The following NKAIN2 variants were observed in gnomAD, a reference collection of about 807,000 sequenced individuals.
NKAIN2 encodes sodium/potassium-transporting ATPase subunit beta-1-interacting protein 2.
Under a neutral mutation model 32.6 loss-of-function variants are expected in NKAIN2, and 14 were observed. The ratio of observed to expected loss-of-function variants is 0.43; its 90% CI spans 0.28 to 0.67. The LOEUF is 0.67. Among genes scored for constraint, NKAIN2 ranks in the 30% least tolerant of loss-of-function variants. The probability of loss-of-function intolerance (pLI) is 0.17; values close to 1 mark genes in which losing one functional copy is unlikely to be tolerated. For synonymous variants in NKAIN2, 80 were observed against 87.2 expected, an observed-to-expected ratio of 0.92 and a Z score of 0.46; for missense variants, 198 against 258.3, an observed-to-expected ratio of 0.77 and a Z score of 1.60.
intron 4 of NKAIN2, among the ~76,000 whole-genome samples, chr6:124,785,490 A>G (rs1302135864): frequency 6.6e-6 from 1 of 152,140 alleles, no homozygotes; most frequent in East Asian, 1.9e-4. Flanking sequence ...TTGGGGTATT[A>G]TGCTATGAGA....
Position 124,659,701 on chromosome 6 carries a change from G to GTAAT in NKAIN2, c.474+1316_474+1319dup, listed in dbSNP as rs1228314171. ...TCATCATGGGTTACTGTGCCAGAAA[G>GTAAT]TAATAATAGCTGTGGAGGGTCTACA... On this transcript the variant is annotated intron_variant, in intron 4 of 6. Coordinates refer to ENST00000368417, the MANE Select transcript of NKAIN2 (RefSeq NM_001040214.3). Among the ~76,000 whole-genome samples the GTAAT allele has an allele frequency of 3.9e-5, 6 of 152,170 alleles. No individual in the cohort carries two copies. The East Asian group carries it at 1.2e-3, about 29-fold the overall frequency.
At chr6:124,231,452 C>T (rs569369804) in intron 1 of NKAIN2, among the ~76,000 whole-genome samples, 1 of 151,978 alleles carries the variant, frequency 6.6e-6, no homozygotes, top group African/African-American at 2.4e-5. Context: ...TTGGGAGGGA[C>T]CTGGGGTGGA....
intron 1 of NKAIN2, among the ~76,000 whole-genome samples, chr6:124,254,355 G>A (rs185165424): frequency 6.6e-6 from 1 of 152,238 alleles, no homozygotes; most frequent in East Asian, 1.9e-4. Context: ...CCCTATGAGA[G>A]CAACATCTGT....
At chr6:124,685,523 T>C (rs899187794) in intron 4 of NKAIN2, among the ~76,000 whole-genome samples, 3 of 152,190 alleles carry the variant, frequency 2.0e-5, no homozygotes, top group Admixed American at 2.0e-4. Context: ...CAATAAAGAA[T>C]TTTGGGATAT....
intron 3 of NKAIN2, among the ~76,000 whole-genome samples, chr6:124,467,444 A>G (rs1776805472): frequency 6.6e-6 from 1 of 152,104 alleles, no homozygotes; most frequent in African/African-American, 2.4e-5. Flanking sequence ...AGACTTCACT[A>G]CAGTTACATG....
chr6:124,573,922 A>G (rs1436913837), intron 3 of NKAIN2, among the ~76,000 whole-genome samples: 1 of 152,194 alleles, frequency 6.6e-6, no homozygotes, highest in Non-Finnish European at 1.5e-5. Context: ...AAAGAGGCTT[A>G]TTTGCTCTGC....
At chr6:124,130,156 G>C (rs1477808423) in intron 1 of NKAIN2, among the ~76,000 whole-genome samples, 2 of 152,052 alleles carry the variant, frequency 1.3e-5, no homozygotes, top group Admixed American at 6.5e-5. Flanking sequence ...TTTCCTAGAG[G>C]GAAACTGTGA....
At position 124,476,061 on chromosome 6, in the gene NKAIN2, AGAGAGT is replaced by A. The variant is rs750172113; in HGVS notation, c.273+120716_273+120721del. Reference sequence around the variant, plus strand: ...GAGTGTGTGTGTGAGAGAGAGAGAGAGAGAGTGTGTGTGTGTGTGTGTGTGTGTGTG... The same window carrying A: ...GAGTGTGTGTGTGAGAGAGAGAGAGAGTGTGTGTGTGTGTGTGTGTGTGTG... On this transcript the variant is annotated intron_variant, in intron 3 of 6. Coordinates refer to ENST00000368417, the MANE Select transcript of NKAIN2 (RefSeq NM_001040214.3). Among the ~76,000 whole-genome samples the A allele has an allele frequency of 3.6e-3, 306 of 85,696 alleles. 1 individual carries two copies. The highest frequency in any genetic ancestry group is 0.021 in the South Asian group (56 of 2,698). The allele number at this position is 85,696 out of a possible 152,430, so 56.2% of individuals were successfully genotyped here. A position where few individuals can be genotyped will look rare whatever the true frequency, so the allele number is the denominator to read the frequency against.
intron 1 of NKAIN2, among the ~76,000 whole-genome samples, chr6:123,953,160 T>A (rs1321943817): frequency 2.6e-5 from 4 of 152,174 alleles, no homozygotes; most frequent in African/African-American, 9.7e-5. Flanking sequence ...CAGTCCTGTC[T>A]GTGACTTCCT....
intron 1 of NKAIN2, among the ~76,000 whole-genome samples, chr6:124,034,795 T>C (rs528930175): frequency 4.9e-4 from 74 of 152,256 alleles, no homozygotes; most frequent in African/African-American, 1.7e-3. Flanking sequence ...ATGTTTTGAC[T>C]TTTTAATAAT....
At chr6:123,851,958 A>G (rs1240662108) in intron 1 of NKAIN2, among the ~76,000 whole-genome samples, 1 of 152,172 alleles carries the variant, frequency 6.6e-6, no homozygotes, top group Non-Finnish European at 1.5e-5. Context: ...TTTGAAATTC[A>G]CATAATCCAT....
intron 3 of NKAIN2, among the ~76,000 whole-genome samples, chr6:124,451,161 C>G (rs187109206): frequency 3.3e-5 from 5 of 152,176 alleles, no homozygotes; most frequent in Admixed American, 6.6e-5. Context: ...GAAAGAAAAG[C>G]CAAGTGCATT....
intron 3 of NKAIN2, among the ~76,000 whole-genome samples, chr6:124,510,870 T>A (rs1252548025): frequency 1.3e-5 from 2 of 152,204 alleles, no homozygotes; most frequent in Non-Finnish European, 2.9e-5. Flanking sequence ...CAAGGGAGAA[T>A]TCTAACTTCA....
intron 3 of NKAIN2, among the ~76,000 whole-genome samples, chr6:124,377,799 T>TTATATGAATATATAA (rs1800056601): frequency 6.6e-6 from 1 of 152,162 alleles, no homozygotes; most frequent in African/African-American, 2.4e-5. Context: ...AGAGTGACCC[T>TTATATGAATATATAA]CTTCATAATT....
chr6:123,932,740 G>C (rs956558163), intron 1 of NKAIN2, among the ~76,000 whole-genome samples: 1 of 149,186 alleles, frequency 6.7e-6, no homozygotes, highest in African/African-American at 2.5e-5. Flanking sequence ...AGCATTGTTA[G>C]CCAGTCATCG....
chr6:124,637,502 T>G (rs1327872471), intron 3 of NKAIN2, among the ~76,000 whole-genome samples: 1 of 152,086 alleles, frequency 6.6e-6, no homozygotes, highest in Admixed American at 6.6e-5. Context: ...AATAAATTTT[T>G]GCATTATTTT....
At chr6:124,561,099 C>T (rs550718450) in intron 3 of NKAIN2, among the ~76,000 whole-genome samples, 4 of 152,018 alleles carry the variant, frequency 2.6e-5, no homozygotes, top group African/African-American at 9.6e-5. Flanking sequence ...TGTTTCAGGG[C>T]ACAGAGCAAC....
At chr6:123,885,276 A>T (rs1773660351) in intron 1 of NKAIN2, among the ~76,000 whole-genome samples, 1 of 152,078 alleles carries the variant, frequency 6.6e-6, no homozygotes, top group South Asian at 2.1e-4. Flanking sequence ...CCCTGATAGG[A>T]TTACGGGATG....
At chr6:124,567,752 TG>T (rs1372338371) in intron 3 of NKAIN2, among the ~76,000 whole-genome samples, 1 of 152,224 alleles carries the variant, frequency 6.6e-6, no homozygotes, top group Non-Finnish European at 1.5e-5. Context: ...GTAAATATGT[TG>T]GGCTTTGCAG....
Sources: allele counts gnomAD v4.1 joint callset (sites outside exome capture counted in the v4.1 genomes callset), GRCh38; gene constraint gnomAD v4.1.1; transcripts MANE v1.5; gene names NCBI Gene and HGNC (gene_info 2026-07-23, HGNC 2026-07-21).